The following INO80C variants were observed in gnomAD, a reference collection of about 807,000 sequenced individuals.
INO80C encodes the protein INO80 complex subunit C.
A neutral mutation model predicts 17.7 loss-of-function variants in INO80C; 17 were observed. That is an observed-to-expected ratio of 0.96 (90% CI 0.66 to 1.44). INO80C has a LOEUF of 1.44. Ranked by LOEUF, INO80C falls within the 40% of genes most tolerant of loss-of-function variation. The pLI, the probability that INO80C is intolerant of heterozygous loss-of-function variation, is 0.00. For synonymous variants in INO80C, 96 were observed against 95.8 expected, an observed-to-expected ratio of 1.00 and a Z score of -0.01; for missense variants, 244 against 245.0, an observed-to-expected ratio of 1.00 and a Z score of 0.03.
chr18:35,470,039 T>C (rs1010714369), intron 4 of INO80C, among the ~76,000 whole-genome samples: 2 of 152,188 alleles, frequency 1.3e-5, no homozygotes, highest in Admixed American at 1.3e-4. Context: ...GGGTGAGTCA[T>C]TTTGAGCTCC....
At chr18:35,472,879 A>G in intron 4 of INO80C, among the ~76,000 whole-genome samples, 1 of 152,146 alleles carries the variant, frequency 6.6e-6, no homozygotes, top group Admixed American at 6.5e-5. Context: ...TTGCCTATTT[A>G]TATCCTTTTT....
chr18:35,480,422 T>C, intron 2 of INO80C, 31 bp downstream of exon 2: 1 of 1,434,978 alleles, frequency 7.0e-7, no homozygotes, highest in Non-Finnish European at 9.8e-7. Context: ...GGCATTTGGA[T>C]GTTTATTCAG....
intron 1 of INO80C, among the ~76,000 whole-genome samples, chr18:35,484,256 A>G (rs941286730): frequency 6.6e-6 from 1 of 152,230 alleles, no homozygotes; most frequent in Admixed American, 6.5e-5. Context: ...GTGCTGTGGA[A>G]TTGGATTGAA....
intron 3 of INO80C, 56 bp from the exon 4 acceptor site, chr18:35,478,405 TTC>T (rs2045764000): frequency 3.1e-6 from 4 of 1,310,882 alleles, no homozygotes; most frequent in Non-Finnish European, 4.2e-6. Flanking sequence ...TTCAAATCCC[TTC>T]TCTTTTTTTT....
chr18:35,484,465 A>G (rs972647264), intron 1 of INO80C, among the ~76,000 whole-genome samples: 1 of 152,230 alleles, frequency 6.6e-6, no homozygotes, highest in African/African-American at 2.4e-5. Context: ...CCCTCCATAT[A>G]GAGGAGTTCT....
At chr18:35,494,164 AC>A (rs781351405) in intron 1 of INO80C, among the ~76,000 whole-genome samples, 5 of 152,158 alleles carry the variant, frequency 3.3e-5, no homozygotes, top group Non-Finnish European at 7.3e-5. Context: ...ACCTATAATT[AC>A]CTATAATTAG....
rs372252537 is a variant in INO80C at position 35,487,583 on chromosome 18, C to T, written c.157-7020G>A. ...CCCCCATGATTCAATTATATCCCAC[C>T]GGGTTCCTCCCACAACATGTGGGAA... On this transcript the variant is annotated intron_variant, in intron 1 of 4. Coordinates refer to ENST00000334598, the MANE Select transcript of INO80C (RefSeq NM_194281.4). 50 of 160,178 alleles carry T rather than the reference C, an allele frequency of 3.1e-4. No homozygotes were observed. In the East Asian group the frequency reaches 8.4e-3, roughly 27 times the overall value. 9.9% of individuals were successfully genotyped at this position (160,178 alleles called of 1,614,324 possible).
intron 1 of INO80C, among the ~76,000 whole-genome samples, chr18:35,490,095 T>G (rs952130125): frequency 1.3e-5 from 2 of 151,332 alleles, no homozygotes; most frequent in East Asian, 3.9e-4. Context: ...AGAAGGAAGG[T>G]GGAGCTGGCA....
chr18:35,497,941 G>A lies in INO80C; in HGVS notation c.-67C>T, dbSNP rs2144103725. The A allele has an allele frequency of 6.9e-7, 1 of 1,439,756 alleles. No individual in the cohort carries two copies. The highest frequency in any genetic ancestry group is 9.2e-7 in the Non-Finnish European group (1 of 1,086,854). 89.2% of individuals were successfully genotyped at this position (1,439,756 alleles called of 1,614,324 possible). ...GCGCGGGCCTTGGAACTTCCTTTCC[G>A]CTGTTACTTCCGTCTTGATGCTTGA... is the stretch of plus-strand genomic sequence containing the variant. On this transcript the variant is annotated 5_prime_UTR_variant, in exon 1 of 5. Transcript: ENST00000334598.
rs376287863 is a variant in INO80C at position 35,468,679 on chromosome 18, G to A, written c.511C>T (p.Arg171Trp). The change falls in exon 5 of 5, where the codon CGG becomes TGG. Residue 171 changes from arginine (R) to tryptophan (W), a missense_variant. Coordinates refer to ENST00000334598, the MANE Select transcript of INO80C (RefSeq NM_194281.4). The stretch of plus-strand genomic sequence containing the variant: ...GTGACGACGTCAGAGGGCAGCCTCC[G>A]AATGTAGGAAAACTCTTCAATGGTG... ...FSTIEEFSYI[R>W]RLPSDVVTGY... is the part of the protein sequence containing the mutation. 1.5e-5 allele frequency: 24 copies of A among 1,613,996 alleles called. No homozygotes were observed. The highest frequency in any genetic ancestry group is 4.0e-5 in the African/African-American group (3 of 74,900).
At chr18:35,470,620 C>T (rs976961321) in intron 4 of INO80C, among the ~76,000 whole-genome samples, 26 of 152,210 alleles carry the variant, frequency 1.7e-4, no homozygotes, top group Non-Finnish European at 2.8e-4. Context: ...GGCTGCCTCA[C>T]TCCTACCAGC....
At chr18:35,482,382 T>C (rs1421531763) in intron 1 of INO80C, among the ~76,000 whole-genome samples, 1 of 152,050 alleles carries the variant, frequency 6.6e-6, no homozygotes, top group South Asian at 2.1e-4. Context: ...AGTAAGAGAG[T>C]ATGGTGGAAT....
At chr18:35,481,107 A>G (rs2045802264) in intron 1 of INO80C, among the ~76,000 whole-genome samples, 1 of 152,230 alleles carries the variant, frequency 6.6e-6, no homozygotes, top group African/African-American at 2.4e-5. Context: ...CAGAGAACCC[A>G]GACTGGAGCT....
intron 1 of INO80C, among the ~76,000 whole-genome samples, chr18:35,485,857 A>C (rs947275324): frequency 1.3e-5 from 2 of 152,228 alleles, no homozygotes; most frequent in African/African-American, 4.8e-5. Context: ...AAGCACAGGA[A>C]CTCATGCCTG....
intron 1 of INO80C, among the ~76,000 whole-genome samples, chr18:35,481,983 G>A (rs1220590849): frequency 1.3e-5 from 2 of 152,164 alleles, no homozygotes; most frequent in East Asian, 3.9e-4. Flanking sequence ...AGTATTCCAC[G>A]GTAAGGAGGC....
intron 1 of INO80C, among the ~76,000 whole-genome samples, chr18:35,486,339 G>A (rs576382415): frequency 6.6e-6 from 1 of 152,320 alleles, no homozygotes; most frequent in African/African-American, 2.4e-5. Flanking sequence ...ATCAGTGGTT[G>A]CCAGGGGCTG....
chr18:35,491,995 G>T (rs2045937812), intron 1 of INO80C, among the ~76,000 whole-genome samples: 1 of 152,186 alleles, frequency 6.6e-6, no homozygotes, highest in African/African-American at 2.4e-5. Context: ...GTCTCGCCCT[G>T]CTCTGCTCTG....
chr18:35,478,238 A>C (rs1323912660), intron 4 of INO80C, 44 bp downstream of exon 4: 1 of 1,389,924 alleles, frequency 7.2e-7, no homozygotes, highest in Non-Finnish European at 1.0e-6. Context: ...CATTACTGTG[A>C]AATCTTTTCC....
In INO80C at chr18:35,497,549, G is replaced by A. The variant is rs1053767603; in HGVS notation, c.156+170C>T. ...AACACAAGGCGTTGTAAGCCCATGT[G>A]TCCAAACGAAGGGAAAGAGTAGTCA... On this transcript the variant is annotated intron_variant, in intron 1 of 4. Coordinates refer to ENST00000334598, the MANE Select transcript of INO80C (RefSeq NM_194281.4). The A allele has an allele frequency of 7.1e-6, 10 of 1,413,900 alleles. 1 individual carries two copies. Among genetic ancestry groups the A allele is most frequent in the South Asian group, 4.5e-5 (3 of 66,104 alleles). The allele number at this position is 1,413,900 out of a possible 1,614,324, so 87.6% of individuals were successfully genotyped here.
Sources: allele counts gnomAD v4.1 joint callset (sites outside exome capture counted in the v4.1 genomes callset), GRCh38; gene constraint gnomAD v4.1.1; transcripts MANE v1.5; gene names NCBI Gene and HGNC (gene_info 2026-07-23, HGNC 2026-07-21).